RAF1: variants seen among roughly 807,000 people sequenced by gnomAD.
RAF1 encodes Raf-1 proto-oncogene, serine/threonine kinase.
Under a neutral mutation model 81.1 loss-of-function variants are expected in RAF1, and 27 were observed. The observed-to-expected ratio is 0.33, with a 90% CI of 0.25 to 0.46. The LOEUF is 0.46. Among genes scored for constraint, RAF1 ranks in the 20% least tolerant of loss-of-function variants. The pLI is 1.00. For synonymous variants in RAF1, 298 were observed against 294.0 expected, an observed-to-expected ratio of 1.01 and a Z score of -0.14; for missense variants, 598 against 826.0, an observed-to-expected ratio of 0.72 and a Z score of 3.38.
chr3:12,603,744 C>T (rs5746210), intron 7 of RAF1, among the ~76,000 whole-genome samples: 2,219 of 152,278 alleles, frequency 0.015, 56 homozygotes, highest in African/African-American at 0.051. Flanking sequence ...TCCTAGGACT[C>T]CACCCTTTTA....
chr3:12,593,408 T>C (rs1486342344), intron 11 of RAF1, among the ~76,000 whole-genome samples: 2 of 94,570 alleles, frequency 2.1e-5, no homozygotes, highest in Non-Finnish European at 4.1e-5. Flanking sequence ...GGGAAGAAAA[T>C]TGGTAGAGAG....
intron 3 of RAF1, among the ~76,000 whole-genome samples, chr3:12,611,715 T>G (rs972570854): frequency 6.6e-6 from 1 of 152,030 alleles, no homozygotes; most frequent in African/African-American, 2.4e-5. Context: ...GAAAAAAAAA[T>G]TACAGGTATT....
intron 1 of RAF1, among the ~76,000 whole-genome samples, chr3:12,638,765 G>A (rs2060100819): frequency 6.6e-6 from 1 of 152,182 alleles, no homozygotes; most frequent in African/African-American, 2.4e-5. Context: ...AATGGGCATG[G>A]TGGCTCATGC....
chr3:12,639,787 T>C (rs953809970), intron 1 of RAF1, among the ~76,000 whole-genome samples: 23 of 152,234 alleles, frequency 1.5e-4, no homozygotes, highest in Non-Finnish European at 2.5e-4. Context: ...AAAATGGCCA[T>C]ACTGCCCAAG....
chr3:12,659,920 T>C (rs2060822805), intron 1 of RAF1, among the ~76,000 whole-genome samples: 1 of 152,196 alleles, frequency 6.6e-6, no homozygotes, highest in African/African-American at 2.4e-5. Context: ...AACATTTTTT[T>C]AGGCAGTAGG....
chr3:12,634,716 GA>G (rs1410450234), intron 1 of RAF1, among the ~76,000 whole-genome samples: 1 of 152,108 alleles, frequency 6.6e-6, no homozygotes, highest in Admixed American at 6.6e-5. Flanking sequence ...GTGGTTGGAG[GA>G]AGAGCAGAGA....
chr3:12,587,320 C>T (rs112428067), intron 14 of RAF1: 2 of 515,314 alleles, frequency 3.9e-6, no homozygotes, highest in African/African-American at 3.8e-5. Context: ...CTATTTCAAG[C>T]TTACGGAAAT....
At chr3:12,611,072 T>C (rs2059192101) in intron 3 of RAF1, among the ~76,000 whole-genome samples, 1 of 152,266 alleles carries the variant, frequency 6.6e-6, no homozygotes, top group African/African-American at 2.4e-5. Flanking sequence ...TATAAAATAA[T>C]GCACTTTCTG....
chr3:12,602,058 T>A (rs1048730911), intron 8 of RAF1, among the ~76,000 whole-genome samples: 17 of 152,372 alleles, frequency 1.1e-4, no homozygotes, highest in African/African-American at 4.1e-4. Flanking sequence ...TTAACCACAA[T>A]TATATTCCTA....
intron 6 of RAF1, 126 bp from the exon 7 acceptor site, chr3:12,604,415 T>C (rs1440087828): frequency 9.8e-7 from 1 of 1,018,744 alleles, no homozygotes; most frequent in African/African-American, 1.6e-5. Flanking sequence ...TTTGACAAAA[T>C]GTTTGATTCT....
chr3:12,628,738 C>T (rs1276728276), intron 1 of RAF1, among the ~76,000 whole-genome samples: 1 of 108,802 alleles, frequency 9.2e-6, no homozygotes, highest in Non-Finnish European at 1.7e-5. Context: ...TATGATGAAC[C>T]TGAGACTATT....
In RAF1 at chr3:12,584,493, T is replaced by C; in HGVS notation, c.*21A>G. The C allele has an allele frequency of 6.2e-7, 1 of 1,614,174 alleles. No homozygotes were observed. The highest frequency in any genetic ancestry group is 1.1e-5 in the South Asian group (1 of 91,086). On this transcript the variant is annotated 3_prime_UTR_variant, in exon 18 of 18. Transcript: ENST00000442415. Reference sequence around the variant, plus strand: ...GGCTTCTCCTCCTCCCCTGGCAGCCTGAAGACAGGTGCAAAGTCAACTAGA... The same window carrying C: ...GGCTTCTCCTCCTCCCCTGGCAGCCCGAAGACAGGTGCAAAGTCAACTAGA...
intron 1 of RAF1, 36 bp from the exon 2 acceptor site, chr3:12,618,783 A>G: frequency 6.6e-7 from 1 of 1,521,554 alleles, no homozygotes; most frequent in Non-Finnish European, 9.1e-7. Context: ...ACTCTAGAAC[A>G]AAAGTATTCA....
intron 3 of RAF1, among the ~76,000 whole-genome samples, chr3:12,611,228 C>CT (rs1049803870): frequency 1.8e-4 from 28 of 151,738 alleles, no homozygotes; most frequent in African/African-American, 5.6e-4. Flanking sequence ...TGTTTTTTGG[C>CT]TTTTTTTAAT....
At chr3:12,653,549 A>C (rs13076484) in intron 1 of RAF1, among the ~76,000 whole-genome samples, 23,825 of 151,990 alleles carry the variant, frequency 0.16, 2,047 homozygotes, top group Admixed American at 0.22. Context: ...GTTCGAGACC[A>C]GCCTGGCCAA....
At chr3:12,610,361 G>T (rs1353568570) in intron 3 of RAF1, among the ~76,000 whole-genome samples, 1 of 152,022 alleles carries the variant, frequency 6.6e-6, no homozygotes, top group Non-Finnish European at 1.5e-5. Context: ...AACTCCAAAG[G>T]ACTATTTTGC....
At chr3:12,628,521 AT>A (rs1405850579) in intron 1 of RAF1, among the ~76,000 whole-genome samples, 2 of 152,032 alleles carry the variant, frequency 1.3e-5, no homozygotes, top group East Asian at 3.9e-4. Context: ...TTAAAAAGTC[AT>A]TTTTCCTACT....
At chr3:12,662,767 A>T (rs920436739) in intron 1 of RAF1, among the ~76,000 whole-genome samples, 1 of 152,004 alleles carries the variant, frequency 6.6e-6, no homozygotes, top group African/African-American at 2.4e-5. Flanking sequence ...CGAGTGTAGA[A>T]GCTTCCTCAA....
Position 12,590,824 on chromosome 3 carries a change from A to C in RAF1, c.1404T>G (p.Ile468Met). The C allele has an allele frequency of 6.2e-7, 1 of 1,613,912 alleles. No homozygotes were observed. The highest frequency in any genetic ancestry group is 8.5e-7 in the Non-Finnish European group (1 of 1,179,944). ...CCATTCCCTGAGCCGTCTGCCGGGC[A>C]ATGTCAATTAGCTGGAACATCTGAA... The change falls in exon 13 of 18, where the codon ATT (isoleucine) becomes ATG (methionine). Residue 468 changes from isoleucine to methionine, a missense_variant. Around this residue, in one of 5 missense-constraint regions of RAF1, gnomAD observed 85 missense variants for 185.6 expected, o/e 0.46. Coordinates refer to ENST00000442415, the MANE Select transcript of RAF1 (RefSeq NM_001354689.3).
Sources: gnomAD v4.1 joint callset for allele counts (sites outside exome capture counted in the v4.1 genomes callset) on GRCh38, gnomAD v4.1.1 for gene constraint, gnomAD v4.1.1 regional missense constraint, MANE v1.5 for transcripts, NCBI Gene and HGNC (gene_info 2026-07-23, HGNC 2026-07-21) for gene names.